ASAP2: variants seen among roughly 807,000 people sequenced by gnomAD.
The protein encoded by ASAP2 is arf-GAP with SH3 domain, ANK repeat and PH domain-containing protein 2.
In ASAP2, 45 loss-of-function variants were observed where a neutral mutation model predicts 131.4. The ratio of observed to expected loss-of-function variants is 0.34; its 90% CI spans 0.27 to 0.44. The LOEUF is 0.44. Among genes scored for constraint, ASAP2 ranks in the 20% least tolerant of loss-of-function variants. The pLI is 1.00. For synonymous variants in ASAP2, 510 were observed against 503.0 expected, an observed-to-expected ratio of 1.01 and a Z score of -0.19; for missense variants, 1,011 against 1,297.0, an observed-to-expected ratio of 0.78 and a Z score of 3.39.
intron 7 of ASAP2, among the ~76,000 whole-genome samples, chr2:9,331,955 A>G (rs7598144): frequency 0.4 from 60,443 of 151,750 alleles, 13,084 homozygotes; most frequent in African/African-American, 0.57. Flanking sequence ...GGTGTCACAG[A>G]CAGACCCCAT....
intron 1 of ASAP2, among the ~76,000 whole-genome samples, chr2:9,208,642 A>G (rs1312880378): frequency 1.3e-5 from 2 of 152,194 alleles, no homozygotes; most frequent in Non-Finnish European, 2.9e-5. Flanking sequence ...AACCTTTCCT[A>G]TGAATTCGGT....
At chr2:9,334,881 C>T in intron 8 of ASAP2, 68 bp downstream of exon 8, 1 of 1,526,808 alleles carries the variant, frequency 6.5e-7, no homozygotes, top group South Asian at 1.1e-5. Context: ...ATCTAAATGT[C>T]ACTTCTGTGT....
intron 2 of ASAP2, among the ~76,000 whole-genome samples, chr2:9,292,054 T>G (rs557801603): frequency 2.0e-5 from 3 of 152,128 alleles, no homozygotes; most frequent in Non-Finnish European, 4.4e-5. Flanking sequence ...AAACTCACTG[T>G]GTGACCTTGA....
At chr2:9,347,368 G>T (rs894289418) in intron 11 of ASAP2, among the ~76,000 whole-genome samples, 4 of 152,164 alleles carry the variant, frequency 2.6e-5, no homozygotes, top group Admixed American at 2.6e-4. Context: ...GTTTGGTTTT[G>T]ACTTGATTTC....
intron 1 of ASAP2, among the ~76,000 whole-genome samples, chr2:9,209,611 C>T (rs1033759125): frequency 2.6e-5 from 4 of 152,164 alleles, no homozygotes; most frequent in Non-Finnish European, 5.9e-5. Context: ...CTCTTGTTGC[C>T]CAGGCTGGAG....
rs975965819 is a variant in ASAP2 at position 9,404,355 on chromosome 2, T to C, written c.*1028T>C. 6.6e-6 allele frequency: 1 copy of C among 152,194 alleles called. No homozygotes were observed. The highest frequency in any genetic ancestry group is 1.5e-5 in the Non-Finnish European group (1 of 68,042). 9.4% of individuals were successfully genotyped at this position (152,194 alleles called of 1,614,324 possible). ...CCATCTGTTTATAATCAAGAACATA[T>C]CAGAAATATATAGGTCCCAGGTAAT... is the stretch of plus-strand genomic sequence containing the variant. On this transcript the variant is annotated 3_prime_UTR_variant, in exon 28 of 28. Coordinates refer to ENST00000281419, the MANE Select transcript of ASAP2 (RefSeq NM_003887.3).
intron 3 of ASAP2, among the ~76,000 whole-genome samples, chr2:9,314,541 T>C (rs1320545899): frequency 1.3e-5 from 2 of 152,176 alleles, no homozygotes; most frequent in African/African-American, 2.4e-5. Context: ...AGAGCTCTGG[T>C]AAATATAAAA....
At chr2:9,384,685 G>A (rs138185439) in intron 20 of ASAP2, among the ~76,000 whole-genome samples, 1 of 152,372 alleles carries the variant, frequency 6.6e-6, no homozygotes, top group South Asian at 2.1e-4. Context: ...CGTAGGGCAA[G>A]GTGTGGGGGA....
At chr2:9,290,135 G>A (rs928972925) in intron 2 of ASAP2, among the ~76,000 whole-genome samples, 5 of 152,230 alleles carry the variant, frequency 3.3e-5, no homozygotes, top group African/African-American at 1.2e-4. Flanking sequence ...TCCGAAGGCT[G>A]TGTCCCTCCC....
At chr2:9,402,994 G>T (rs1447133159) in intron 27 of ASAP2, among the ~76,000 whole-genome samples, 1 of 152,218 alleles carries the variant, frequency 6.6e-6, no homozygotes, top group Non-Finnish European at 1.5e-5. Flanking sequence ...AAGAACAGGT[G>T]GGGGTGGCCA....
At chr2:9,247,236 G>A (rs1664400042) in intron 1 of ASAP2, among the ~76,000 whole-genome samples, 1 of 152,160 alleles carries the variant, frequency 6.6e-6, no homozygotes, top group African/African-American at 2.4e-5. Context: ...TCTGGTATTG[G>A]GGTGGCAGCA....
intron 6 of ASAP2, among the ~76,000 whole-genome samples, chr2:9,325,511 A>G (rs1670424805): frequency 6.6e-6 from 1 of 152,222 alleles, no homozygotes; most frequent in Non-Finnish European, 1.5e-5. Context: ...TTTGGTTAGT[A>G]AAGTAGACAT....
chr2:9,260,328 G>A (rs1665489218), intron 1 of ASAP2, among the ~76,000 whole-genome samples: 1 of 152,228 alleles, frequency 6.6e-6, no homozygotes, highest in African/African-American at 2.4e-5. Context: ...GCTGCTGGGG[G>A]CGGGAAGGAT....
At chr2:9,387,256 T>C (rs888426087) in intron 21 of ASAP2, among the ~76,000 whole-genome samples, 9 of 140,422 alleles carry the variant, frequency 6.4e-5, no homozygotes, top group Non-Finnish European at 1.1e-4. Flanking sequence ...GGAGCAGGGG[T>C]GGCCAAACTC....
At chr2:9,215,156 G>A (rs1572175932) in intron 1 of ASAP2, among the ~76,000 whole-genome samples, 1 of 152,088 alleles carries the variant, frequency 6.6e-6, no homozygotes, top group Non-Finnish European at 1.5e-5. Flanking sequence ...GTTGAATACC[G>A]TGGTAACTGC....
intron 1 of ASAP2, among the ~76,000 whole-genome samples, 194 bp from the exon 2 acceptor site, chr2:9,279,123 C>T (rs1173365829): frequency 6.6e-6 from 1 of 152,148 alleles, no homozygotes; most frequent in Non-Finnish European, 1.5e-5. Context: ...ATTTGGAAAC[C>T]AGTCTTCCAC....
At chr2:9,234,059 C>G (rs2148037890) in intron 1 of ASAP2, among the ~76,000 whole-genome samples, 1 of 137,554 alleles carries the variant, frequency 7.3e-6, no homozygotes, top group Non-Finnish European at 1.5e-5. Context: ...TGCAGTGAGT[C>G]AAGATCGCAC....
At chr2:9,331,606 A>G (rs1420340152) in intron 7 of ASAP2, among the ~76,000 whole-genome samples, 1 of 152,112 alleles carries the variant, frequency 6.6e-6, no homozygotes, top group African/African-American at 2.4e-5. Flanking sequence ...GGTCTCTACT[A>G]AAAATACAAA....
intron 1 of ASAP2, among the ~76,000 whole-genome samples, chr2:9,216,893 C>T (rs1222353870): frequency 6.6e-6 from 1 of 152,100 alleles, no homozygotes. Flanking sequence ...ACCACCGTGC[C>T]CAGCCTCCCC....
Sources: allele counts gnomAD v4.1 joint callset (sites outside exome capture counted in the v4.1 genomes callset), GRCh38; gene constraint gnomAD v4.1.1; transcripts MANE v1.5; gene names NCBI Gene and HGNC (gene_info 2026-07-23, HGNC 2026-07-21).